The following LRRIQ1 variants were observed in gnomAD, a reference collection of about 807,000 sequenced individuals.
LRRIQ1 encodes the protein leucine-rich repeat- and IQ domain-containing protein 1.
Under a neutral mutation model 211.9 loss-of-function variants are expected in LRRIQ1, and 210 were observed. The observed-to-expected ratio is 0.99, with a 90% CI of 0.89 to 1.11. The LOEUF (loss-of-function observed/expected upper bound fraction) is 1.11, where lower values mean the gene tolerates loss of function less well. Ranked by LOEUF, LRRIQ1 falls within the 50% of genes most tolerant of loss-of-function variation. The pLI is 0.00. For synonymous variants in LRRIQ1, 699 were observed against 650.1 expected (o/e 1.08, Z -1.14); for missense variants, 2,136 against 1,939.5 (o/e 1.10, Z -1.90).
intron 25 of LRRIQ1, among the ~76,000 whole-genome samples, chr12:85,230,237 T>A (rs1440170724): frequency 6.6e-6 from 1 of 152,202 alleles, no homozygotes; most frequent in African/African-American, 2.4e-5. Context: ...ATGTACCATT[T>A]TGCTAGGGCT....
chr12:85,116,533 A>C (rs759065661), intron 15 of LRRIQ1, among the ~76,000 whole-genome samples: 1 of 152,146 alleles, frequency 6.6e-6, no homozygotes, highest in Non-Finnish European at 1.5e-5. Flanking sequence ...TCATACAATC[A>C]AAGACAGCAG....
chr12:85,074,850 G>A (rs368860557), intron 11 of LRRIQ1, among the ~76,000 whole-genome samples: 31 of 151,998 alleles, frequency 2.0e-4, no homozygotes, highest in East Asian at 7.7e-4. Flanking sequence ...GTATTTTTCA[G>A]TTAGTTTTTA....
intron 24 of LRRIQ1, among the ~76,000 whole-genome samples, chr12:85,191,938 G>C (rs986107435): frequency 5.3e-5 from 8 of 151,734 alleles, no homozygotes; most frequent in Non-Finnish European, 7.4e-5. Context: ...GTCTATTCAG[G>C]TCTTTTGACC....
exon 2 of LRRIQ1, chr12:85,264,306 C>T (rs1896378465): frequency 6.6e-6 from 1 of 152,052 alleles, no homozygotes; most frequent in Admixed American, 6.6e-5. Context: ...ATAGTTGGAA[C>T]TACATCAAGA....
At chr12:85,199,953 G>A (rs886366563) in intron 24 of LRRIQ1, among the ~76,000 whole-genome samples, 1 of 152,186 alleles carries the variant, frequency 6.6e-6, no homozygotes, top group Admixed American at 6.5e-5. Context: ...TGATGTTCAG[G>A]CTCTTTTTGG....
chr12:85,056,260 A>C lies in LRRIQ1; in HGVS notation c.1467A>C (p.Lys489Asn). 1 of 1,573,960 alleles carries C rather than the reference A, an allele frequency of 6.4e-7. No homozygotes were observed. The highest frequency in any genetic ancestry group is 1.7e-4 in the Middle Eastern group (1 of 5,834). Reference sequence around the variant, plus strand: ...AAGAAAAAAATGAAAACCTAGCAAAAAAACGATGTTCAGAAGAATTGGTCA... The same window carrying C: ...AAGAAAAAAATGAAAACCTAGCAAACAAACGATGTTCAGAAGAATTGGTCA... ...KMEEKNENLA[K>N]KRCSEELVKQ... The change falls in exon 8 of 27, where the codon AAA (lysine) becomes AAC (asparagine). Residue 489 changes from lysine (K) to asparagine (N), a missense_variant. Physicochemically the swap from Lys to Asn is moderately conservative, Grantham distance 94. Transcript: ENST00000393217.
chr12:85,204,754 C>T (rs1255308556), intron 24 of LRRIQ1, among the ~76,000 whole-genome samples: 4 of 152,058 alleles, frequency 2.6e-5, no homozygotes, highest in African/African-American at 4.8e-5. Flanking sequence ...TAGGAAATAA[C>T]CAGCTTGCTT....
At chr12:85,040,450 TA>T in intron 2 of LRRIQ1, 39 bp from the exon 3 acceptor site, 1 of 1,256,264 alleles carries the variant, frequency 8.0e-7, no homozygotes, top group Non-Finnish European at 1.1e-6. Context: ...ATTTTGATAA[TA>T]AACACTTTCA....
rs904257535 is a variant in LRRIQ1 at position 85,038,435 on chromosome 12, A to G, written c.132+127A>G. 7 of 472,366 alleles carry G rather than the reference A, an allele frequency of 1.5e-5. No individual in the cohort carries two copies. In the East Asian group the frequency reaches 3.8e-4, roughly 26 times the overall value. The allele number at this position is 472,366 out of a possible 1,614,324, so 29.3% of individuals were successfully genotyped here. A position where few individuals can be genotyped will look rare whatever the true frequency, so the allele number is the denominator to read the frequency against. Reference sequence around the variant, plus strand: ...TGTTATAAACAATTTATATAAATATAAATTATATTGAATATATATAGTCAC... The same window carrying G: ...TGTTATAAACAATTTATATAAATATGAATTATATTGAATATATATAGTCAC... On this transcript the variant is annotated intron_variant, in intron 2 of 26. Coordinates refer to ENST00000393217, the MANE Select transcript of LRRIQ1 (RefSeq NM_001079910.2).
chr12:85,045,962 A>G (rs1879499379), intron 4 of LRRIQ1, 58 bp from the exon 5 acceptor site: 4 of 928,132 alleles, frequency 4.3e-6, no homozygotes, highest in Admixed American at 4.4e-5. Flanking sequence ...TATTAAAACG[A>G]CAGCTTTACT....
chr12:85,210,551 A>G (rs982273896), intron 24 of LRRIQ1, among the ~76,000 whole-genome samples: 2 of 152,202 alleles, frequency 1.3e-5, no homozygotes, highest in Non-Finnish European at 2.9e-5. Context: ...AAATTTTTAC[A>G]AATTGAACAC....
chr12:85,237,483 G>T (rs1246067779), intron 26 of LRRIQ1, among the ~76,000 whole-genome samples: 1 of 151,954 alleles, frequency 6.6e-6, no homozygotes, highest in Non-Finnish European at 1.5e-5. Context: ...TAGGTGTTTG[G>T]CCAAGTACTA....
intron 1 of LRRIQ1, among the ~76,000 whole-genome samples, chr12:85,262,172 A>G (rs1336669043): frequency 1.3e-5 from 2 of 152,172 alleles, no homozygotes; most frequent in African/African-American, 2.4e-5. Flanking sequence ...TCTTAGGACT[A>G]GGACTATTGT....
At chr12:85,108,719 T>C (rs980649129) in intron 15 of LRRIQ1, among the ~76,000 whole-genome samples, 5 of 152,144 alleles carry the variant, frequency 3.3e-5, no homozygotes, top group Non-Finnish European at 5.9e-5. Context: ...TTTCACATTA[T>C]TTATTGTACA....
At position 85,055,842 on chromosome 12, in the gene LRRIQ1, A is replaced by C. The variant is rs769131495; in HGVS notation, c.1049A>C (p.Lys350Thr). The C allele has an allele frequency of 2.3e-5, 36 of 1,587,950 alleles. No individual in the cohort carries two copies. The highest frequency in any genetic ancestry group is 2.5e-5 in the Non-Finnish European group (29 of 1,168,536). The change falls in exon 8 of 27, where the codon AAA becomes ACA. Residue 350 changes from lysine (K) to threonine (T), a missense_variant. By Grantham distance (78) the Lys-to-Thr change is moderately conservative. Transcript: ENST00000393217. ...GAACAAAGGATAAAAGAAGAGAGAA[A>C]AAAGCAAAAGGAAGAGGAAAGGAAA... ...EEEQRIKEER[K>T]KQKEEERKRR... is the part of the protein sequence containing the mutation.
At chr12:85,175,464 A>C (rs1891647614) in intron 24 of LRRIQ1, among the ~76,000 whole-genome samples, 1 of 152,176 alleles carries the variant, frequency 6.6e-6, no homozygotes, top group Non-Finnish European at 1.5e-5. Flanking sequence ...TCCAGGTAAA[A>C]TCTAGGAGAT....
chr12:85,148,598 C>T (rs1890040900), intron 19 of LRRIQ1, among the ~76,000 whole-genome samples: 1 of 151,882 alleles, frequency 6.6e-6, no homozygotes, highest in Admixed American at 6.6e-5. Context: ...ATAAATAGTG[C>T]TGCAGTAAAC....
chr12:85,244,847 G>A lies in LRRIQ1; in HGVS notation c.5075G>A (p.Ser1692Asn), dbSNP rs370803858. The change falls in exon 27 of 27, where the codon AGT becomes AAT. Residue 1692 changes from serine (S) to asparagine (N), a missense_variant. Transcript: ENST00000393217. ...DLDLFSMTNG[S>N]ALSVNREKKN... ...GACCTTTTTTCCATGACCAATGGAA[G>A]TGCTTTGTCTGTGAACAGAGAAAAA... The A allele has an allele frequency of 1.8e-5, 29 of 1,608,948 alleles. No homozygotes were observed. The African/African-American group carries it at 3.9e-4, about 22-fold the overall frequency.
chr12:85,160,222 A>G (rs1890791851), intron 23 of LRRIQ1, among the ~76,000 whole-genome samples: 1 of 152,010 alleles, frequency 6.6e-6, no homozygotes, highest in African/African-American at 2.4e-5. Flanking sequence ...GAGAAAATTT[A>G]TACATCTTTG....
Sources: allele counts gnomAD v4.1 joint callset (sites outside exome capture counted in the v4.1 genomes callset), GRCh38; gene constraint gnomAD v4.1.1; transcripts MANE v1.5; gene names NCBI Gene and HGNC (gene_info 2026-07-23, HGNC 2026-07-21).